Variants in BCO1 observed in about 807,000 individuals in gnomAD.
The protein encoded by BCO1 is beta,beta-carotene 15,15'-dioxygenase.
BCO1 carries 54 observed loss-of-function variants against 56.3 expected under a neutral mutation model. That is an observed-to-expected ratio of 0.96 (90% CI 0.77 to 1.20). The LOEUF (loss-of-function observed/expected upper bound fraction) is 1.20, where lower values mean the gene tolerates loss of function less well. Ranked by LOEUF, BCO1 falls within the 50% of genes most tolerant of loss-of-function variation. The pLI is 0.00. For synonymous variants in BCO1, 318 were observed against 266.1 expected, an observed-to-expected ratio of 1.20 and a Z score of -1.90; for missense variants, 801 against 690.9, an observed-to-expected ratio of 1.16 and a Z score of -1.79.
chr16:81,257,215 T>C (rs557655442), intron 2 of BCO1, among the ~76,000 whole-genome samples: 58 of 152,260 alleles, frequency 3.8e-4, no homozygotes, highest in Non-Finnish European at 6.5e-4. Flanking sequence ...CTCTCACCCC[T>C]GCCCCAGGAG....
rs1567694689 is a variant in BCO1 at position 81,238,962 on chromosome 16, CAA to C, written c.56_57del (p.Lys19SerfsTer47). ...AAGAACAGCTGGAGCCTGTGAGGGC[CAA>C]AGTGACAGGTGAGCATTCTGATAAA... ...RKEQLEPVRA[K>X]VTGKIPAWLQ... On this transcript the variant is annotated frameshift_variant, in exon 1 of 11. Transcript: ENST00000258168. LOFTEE classifies it high-confidence loss of function. 6.2e-7 allele frequency: 1 copy of C among 1,613,628 alleles called. No homozygotes were observed. The highest frequency in any genetic ancestry group is 2.2e-5 in the East Asian group (1 of 44,870).
intron 6 of BCO1, 41 bp downstream of exon 6, chr16:81,268,172 A>G: frequency 6.4e-7 from 1 of 1,560,916 alleles, no homozygotes; most frequent in Non-Finnish European, 8.7e-7. Flanking sequence ...GTGCTGGCTG[A>G]CCATGGAGGG....
chr16:81,245,739 G>C (rs927374832), intron 2 of BCO1, 136 bp downstream of exon 2: 15 of 1,081,788 alleles, frequency 1.4e-5, no homozygotes, highest in East Asian at 1.1e-4. Flanking sequence ...CTGAAATCAA[G>C]GTGTTCATAG....
At chr16:81,290,047 A>G (rs1908377006) in intron 10 of BCO1, among the ~76,000 whole-genome samples, 2 of 152,216 alleles carry the variant, frequency 1.3e-5, no homozygotes, top group African/African-American at 4.8e-5. Context: ...TATTTTTAGT[A>G]GAGATGGGGT....
At chr16:81,240,424 G>A (rs1050563496) in intron 1 of BCO1, among the ~76,000 whole-genome samples, 8 of 151,692 alleles carry the variant, frequency 5.3e-5, no homozygotes, top group Admixed American at 1.3e-4. Flanking sequence ...GACACCCCAC[G>A]GCCAGGTGCG....
intron 7 of BCO1, among the ~76,000 whole-genome samples, chr16:81,280,307 A>T (rs1362772210): frequency 2.1e-5 from 1 of 47,764 alleles, no homozygotes; most frequent in African/African-American, 5.6e-5. Flanking sequence ...AAAAAAAAAA[A>T]ATTACACACA....
chr16:81,244,102 G>C (rs1391121278), intron 1 of BCO1, among the ~76,000 whole-genome samples: 3 of 152,246 alleles, frequency 2.0e-5, no homozygotes, highest in Admixed American at 2.0e-4. Context: ...TGTAGGCAAA[G>C]CCTGCCCCAC....
At chr16:81,278,908 G>A (rs935691074) in intron 7 of BCO1, among the ~76,000 whole-genome samples, 13 of 151,656 alleles carry the variant, frequency 8.6e-5, no homozygotes, top group African/African-American at 2.7e-4. Context: ...CGGTTCAGCT[G>A]CTAAGTTGCA....
chr16:81,239,645 G>A (rs1905025779), intron 1 of BCO1, among the ~76,000 whole-genome samples: 1 of 152,128 alleles, frequency 6.6e-6, no homozygotes, highest in Non-Finnish European at 1.5e-5. Flanking sequence ...GCGTGCATGA[G>A]CTCCCACGCA....
Position 81,238,973 on chromosome 16 carries a change from G to A in BCO1, c.64+1G>A, listed in dbSNP as rs1305516307. ...GAGCCTGTGAGGGCCAAAGTGACAG[G>A]TGAGCATTCTGATAAACACTGGGCT... On this transcript the variant is annotated splice_donor_variant, in intron 1 of 10. Transcript: ENST00000258168. LOFTEE classifies it high-confidence loss of function. 1 of 1,613,510 alleles carries A rather than the reference G, an allele frequency of 6.2e-7. No individual in the cohort carries two copies.
intron 2 of BCO1, among the ~76,000 whole-genome samples, chr16:81,256,047 C>G (rs532345572): frequency 6.6e-6 from 1 of 151,930 alleles, no homozygotes; most frequent in Admixed American, 6.6e-5. Context: ...AACTCCTGAC[C>G]TCAAATGATC....
chr16:81,287,379 G>A lies in BCO1; in HGVS notation c.1387G>A (p.Ala463Thr), dbSNP rs375617198. 2.7e-5 allele frequency: 43 copies of A among 1,613,840 alleles called. No homozygotes were observed. The highest frequency in any genetic ancestry group is 1.3e-4 in the East Asian group (6 of 44,878). ...CWPAEPLFVP[A>T]PGAKDEDDGV... ...GCCAGCGGAACCCCTGTTTGTGCCC[G>A]CGCCAGGTGCCAAGGATGAGGATGA... Residue 463 changes from alanine to threonine, a missense_variant, in exon 10 of 11, where the codon GCG becomes ACG. Coordinates refer to ENST00000258168, the MANE Select transcript of BCO1 (RefSeq NM_017429.3).
rs1188807843 is a variant in BCO1 at position 81,272,094 on chromosome 16, G to A, written c.1101+1678G>A. ...ATTAATAGGTACATACTATCTTACA[G>A]ACTGCTTTTCTTTTCTTTCTTTTTT... On this transcript the variant is annotated intron_variant, in intron 7 of 10. Coordinates refer to ENST00000258168, the MANE Select transcript of BCO1 (RefSeq NM_017429.3). Among the ~76,000 whole-genome samples, 3 of 146,204 alleles carry A rather than the reference G, an allele frequency of 2.1e-5. No individual in the cohort carries two copies. The Admixed American group carries it at 2.1e-4, about 10-fold the overall frequency.
At chr16:81,261,659 G>A (rs1181321875) in intron 3 of BCO1, among the ~76,000 whole-genome samples, 1 of 152,160 alleles carries the variant, frequency 6.6e-6, no homozygotes, top group African/African-American at 2.4e-5. Flanking sequence ...ACGTGGAGGT[G>A]TCTTTGGGGT....
chr16:81,245,505 T>C lies in BCO1; in HGVS notation c.95T>C (p.Leu32Pro). ...GKIPAWLQGT[L>P]LRNGPGMHTV... ...ATTCCAGCATGGCTGCAGGGAACCC[T>C]GCTCCGCAATGGGCCTGGGATGCAC... The change falls in exon 2 of 11, where the codon CTG (leucine) becomes CCG (proline). Residue 32 changes from leucine to proline, a missense_variant. Coordinates refer to ENST00000258168, the MANE Select transcript of BCO1 (RefSeq NM_017429.3). 1 of 1,613,784 alleles carries C rather than the reference T, an allele frequency of 6.2e-7. No individual in the cohort carries two copies.
rs1382383895 is a variant in BCO1, at chr16:81,282,193, A to AACTC, written c.1207+1231_1207+1232insACTC. On this transcript the variant is annotated intron_variant, in intron 8 of 10. Coordinates refer to ENST00000258168, the MANE Select transcript of BCO1 (RefSeq NM_017429.3). ...CAGGAGTTTGAGACCAGCCTGGCCA[A>AACTC]CATGGCGAAAACACATCTCTACCGA... Among the ~76,000 whole-genome samples, 4 of 152,222 alleles carry AACTC rather than the reference A, an allele frequency of 2.6e-5. No homozygotes were observed. The East Asian group carries it at 7.7e-4, about 29-fold the overall frequency.
intron 1 of BCO1, 104 bp from the exon 2 acceptor site, chr16:81,245,371 G>A: frequency 6.6e-7 from 1 of 1,523,184 alleles, no homozygotes; most frequent in Non-Finnish European, 9.1e-7. Flanking sequence ...GATGCAAGGA[G>A]TGGTACTGGG....
chr16:81,256,951 A>G (rs1372708569), intron 2 of BCO1, among the ~76,000 whole-genome samples: 1 of 151,376 alleles, frequency 6.6e-6, no homozygotes, highest in Non-Finnish European at 1.5e-5. Flanking sequence ...CCATTTCCCA[A>G]TTTCATTTCA....
At chr16:81,271,529 C>G (rs535481513) in intron 7 of BCO1, among the ~76,000 whole-genome samples, 1 of 152,310 alleles carries the variant, frequency 6.6e-6, no homozygotes, top group East Asian at 1.9e-4. Context: ...CCCCACACCC[C>G]TTAGCCATCA....
Sources: gnomAD v4.1 joint callset for allele counts (sites outside exome capture counted in the v4.1 genomes callset) on GRCh38, gnomAD v4.1.1 for gene constraint, MANE v1.5 for transcripts, NCBI Gene and HGNC (gene_info 2026-07-23, HGNC 2026-07-21) for gene names.